Variants in CNTNAP3 observed in about 807,000 individuals in gnomAD.
CNTNAP3 encodes contactin-associated protein-like 3.
A neutral mutation model predicts 92.1 loss-of-function variants in CNTNAP3; 36 were observed. The ratio of observed to expected loss-of-function variants is 0.39; its 90% CI spans 0.30 to 0.52. The LOEUF (loss-of-function observed/expected upper bound fraction) is 0.52, where lower values mean the gene tolerates loss of function less well. CNTNAP3 is among the 20% of genes least tolerant of loss of function. The pLI, the probability that CNTNAP3 is intolerant of heterozygous loss-of-function variation, is 0.76. For synonymous variants in CNTNAP3, 232 were observed against 422.3 expected (o/e 0.55, Z 5.53); for missense variants, 534 against 1,069.6 (o/e 0.50, Z 6.98).
At chr9:39,150,024 A>T (rs1427672172) in intron 9 of CNTNAP3, 47 bp from the exon 10 acceptor site, 3 of 1,574,008 alleles carry the variant, frequency 1.9e-6, no homozygotes, top group Non-Finnish European at 2.6e-6. Context: ...CTATGACAAA[A>T]CTATTCCACA....
intron 3 of CNTNAP3, among the ~76,000 whole-genome samples, chr9:39,221,126 GCTCT>G (rs1034490301): frequency 2.7e-5 from 1 of 37,046 alleles, no homozygotes; most frequent in African/African-American, 4.4e-5. Context: ...TTAGTTCTGG[GCTCT>G]CTATTGTGTT....
chr9:39,066,706 C>A lies in CNTNAP3; in HGVS notation c.*7184G>T, dbSNP rs1210211027. Among the ~76,000 whole-genome samples, 3 of 152,310 alleles carry A rather than the reference C, an allele frequency of 2.0e-5. No homozygotes were observed. Among genetic ancestry groups the A allele is most frequent in the East Asian group, 3.8e-4 (2 of 5,206 alleles). ...GCATGAAAGATGTTGCTCCACTGCCCTTCCCCTTGCATTGCTTCCAAAAAG... is the reference window on the plus strand; with the variant it reads ...GCATGAAAGATGTTGCTCCACTGCCATTCCCCTTGCATTGCTTCCAAAAAG... On this transcript the variant is annotated 3_prime_UTR_variant, in exon 24 of 24. Coordinates refer to ENST00000297668, the MANE Select transcript of CNTNAP3 (RefSeq NM_033655.5).
rs1564064344 is a variant in CNTNAP3, at chr9:39,068,793, A to G, written c.*5097T>C. 6.6e-6 allele frequency among the ~76,000 whole-genome samples: 1 copy of G among 152,310 alleles called. No homozygotes were observed. Among genetic ancestry groups the G allele is most frequent in the Admixed American group, 6.5e-5 (1 of 15,294 alleles). ...GTCACTGCTGTCTCAAATTCTCTCAAGTTGTAAGCTGGGATACTCACAGCA... is the reference window on the plus strand; with the variant it reads ...GTCACTGCTGTCTCAAATTCTCTCAGGTTGTAAGCTGGGATACTCACAGCA... On this transcript the variant is annotated 3_prime_UTR_variant, in exon 24 of 24. Transcript: ENST00000297668.
chr9:39,161,843 C>CAAA (rs540267825), intron 9 of CNTNAP3, among the ~76,000 whole-genome samples: 49 of 38,356 alleles, frequency 1.3e-3, no homozygotes, highest in African/African-American at 5.6e-3. Context: ...TCTAAAGTCT[C>CAAA]AAAAAAAAAA....
intron 12 of CNTNAP3, among the ~76,000 whole-genome samples, chr9:39,134,071 G>A (rs1433323746): frequency 6.6e-6 from 1 of 152,146 alleles, no homozygotes; most frequent in East Asian, 1.9e-4. Flanking sequence ...TCACATCTCA[G>A]GATTTCTAAT....
chr9:39,126,148 C>G (rs1308144339), intron 13 of CNTNAP3, among the ~76,000 whole-genome samples: 1 of 152,056 alleles, frequency 6.6e-6, no homozygotes, highest in South Asian at 2.1e-4. Context: ...TCACAAAAGG[C>G]ATGTTCTTGA....
At chr9:39,124,144 A>G (rs2118001757) in intron 13 of CNTNAP3, among the ~76,000 whole-genome samples, 1 of 152,166 alleles carries the variant, frequency 6.6e-6, no homozygotes, top group South Asian at 2.1e-4. Flanking sequence ...GTAATACAAA[A>G]TAAGACAGAA....
chr9:39,142,682 A>G lies in CNTNAP3; in HGVS notation c.1756+1558T>C, dbSNP rs570524735. ...GCAAGACTCCGTCTCAAAAAAAAAA[A>G]AAAAAGAAAATGTGTCACGGCTTTA... On this transcript the variant is annotated intron_variant, in intron 11 of 23. Transcript: ENST00000297668. Among the ~76,000 whole-genome samples the G allele has an allele frequency of 1.1e-4, 16 of 152,084 alleles. No individual in the cohort carries two copies. The South Asian group carries it at 2.9e-3, about 28-fold the overall frequency.
intron 18 of CNTNAP3, among the ~76,000 whole-genome samples, chr9:39,090,536 C>T (rs1384053886): frequency 5.9e-5 from 9 of 152,328 alleles, no homozygotes; most frequent in African/African-American, 2.4e-5. Flanking sequence ...CCATAAATGG[C>T]GAGGTATCTA....
chr9:39,122,860 A>C (rs1192939365), intron 13 of CNTNAP3, among the ~76,000 whole-genome samples: 1 of 152,168 alleles, frequency 6.6e-6, no homozygotes, highest in Non-Finnish European at 1.5e-5. Flanking sequence ...ATGCAAGAAG[A>C]GATAGGTACT....
rs534610855 is a variant in CNTNAP3 at position 39,112,453 on chromosome 9, C to G, written c.2238-3166G>C. On this transcript the variant is annotated intron_variant, in intron 14 of 23. Transcript: ENST00000297668. Reference sequence around the variant, plus strand: ...TGATCTCTGCTCACTGCAACCTCCACCCCCAGGATTCAAGCAATTCTCCTG... The same window carrying G: ...TGATCTCTGCTCACTGCAACCTCCAGCCCCAGGATTCAAGCAATTCTCCTG... Among the ~76,000 whole-genome samples the G allele has an allele frequency of 1.1e-4, 17 of 152,162 alleles. No homozygotes were observed. In the East Asian group the frequency reaches 3.3e-3, roughly 29 times the overall value.
rs1384730622 is a variant in CNTNAP3 at position 39,068,152 on chromosome 9, C to G, written c.*5738G>C. On this transcript the variant is annotated 3_prime_UTR_variant, in exon 24 of 24. Coordinates refer to ENST00000297668, the MANE Select transcript of CNTNAP3 (RefSeq NM_033655.5). The stretch of plus-strand genomic sequence containing the variant: ...CAGTGGCTTACGCCTGTGATACCAG[C>G]GCTTTAGGAGGCTGAGGTGGGCAGA... 5.5e-4 allele frequency among the ~76,000 whole-genome samples: 84 copies of G among 151,742 alleles called. No homozygotes were observed. Among genetic ancestry groups the G allele is most frequent in the African/African-American group, 1.8e-3 (75 of 41,036 alleles).
intron 9 of CNTNAP3, among the ~76,000 whole-genome samples, chr9:39,153,851 G>A (rs1404843522): frequency 6.9e-6 from 1 of 144,316 alleles, no homozygotes. Context: ...GAGCCACCGC[G>A]TCTGGCCTAA....
rs1825565268 is a variant in CNTNAP3 at position 39,068,607 on chromosome 9, A to G, written c.*5283T>C. Among the ~76,000 whole-genome samples the G allele has an allele frequency of 6.6e-6, 1 of 152,310 alleles. No homozygotes were observed. The highest frequency in any genetic ancestry group is 6.5e-5 in the Admixed American group (1 of 15,292). Reference sequence around the variant, plus strand: ...TTTCATGCACTTTGTTACACACTGAAGGGCGACCCTCTCCAGATTTGCAAA... The same window carrying G: ...TTTCATGCACTTTGTTACACACTGAGGGGCGACCCTCTCCAGATTTGCAAA... On this transcript the variant is annotated 3_prime_UTR_variant, in exon 24 of 24. Coordinates refer to ENST00000297668, the MANE Select transcript of CNTNAP3 (RefSeq NM_033655.5).
In CNTNAP3 at chr9:39,067,423, A is replaced by T. The variant is rs1200181806; in HGVS notation, c.*6467T>A. Among the ~76,000 whole-genome samples the T allele has an allele frequency of 2.6e-5, 4 of 152,282 alleles. No homozygotes were observed. The highest frequency in any genetic ancestry group is 5.9e-5 in the Non-Finnish European group (4 of 68,050). ...TGGGTGTTGGATTTTTTTTTGATGG[A>T]GTCTGGCTCTGTTGCCCAGGCTGGA... is the stretch of plus-strand genomic sequence containing the variant. On this transcript the variant is annotated 3_prime_UTR_variant, in exon 24 of 24. Coordinates refer to ENST00000297668, the MANE Select transcript of CNTNAP3 (RefSeq NM_033655.5).
At chr9:39,285,429 CT>C (rs1460119221) in intron 1 of CNTNAP3, among the ~76,000 whole-genome samples, 4 of 43,950 alleles carry the variant, frequency 9.1e-5, no homozygotes, top group African/African-American at 2.0e-4. Context: ...CATGCAGAAT[CT>C]TCCTAACAAA....
intron 10 of CNTNAP3, among the ~76,000 whole-genome samples, 166 bp from the exon 11 acceptor site, chr9:39,144,512 A>G (rs1301292172): frequency 6.6e-6 from 1 of 151,850 alleles, no homozygotes; most frequent in Non-Finnish European, 1.5e-5. Flanking sequence ...TTCTCTAATT[A>G]TATTGACAAA....
At chr9:39,122,961 G>C (rs929129749) in intron 13 of CNTNAP3, among the ~76,000 whole-genome samples, 2 of 152,084 alleles carry the variant, frequency 1.3e-5, no homozygotes, top group Admixed American at 1.3e-4. Context: ...CCTCATCAAA[G>C]TCTGGGAAGA....
At chr9:39,131,912 G>A (rs949026310) in intron 13 of CNTNAP3, among the ~76,000 whole-genome samples, 7 of 151,056 alleles carry the variant, frequency 4.6e-5, no homozygotes, top group South Asian at 4.2e-4. Flanking sequence ...GCGGATCAGC[G>A]CAAACCACCT....
Sources: gnomAD v4.1 joint callset for allele counts (sites outside exome capture counted in the v4.1 genomes callset) on GRCh38, gnomAD v4.1.1 for gene constraint, MANE v1.5 for transcripts, NCBI Gene and HGNC (gene_info 2026-07-23, HGNC 2026-07-21) for gene names.